Variants in AOX1 observed in about 807,000 individuals in gnomAD.
The protein encoded by AOX1 is aldehyde oxidase.
AOX1 carries 153 observed loss-of-function variants against 169.5 expected under a neutral mutation model. The observed-to-expected ratio is 0.90, with a 90% CI of 0.79 to 1.03. AOX1 has a LOEUF of 1.03. Among genes scored for constraint, AOX1 ranks in the 50% least tolerant of loss-of-function variants. The pLI, the probability that AOX1 is intolerant of heterozygous loss-of-function variation, is 0.00. For synonymous variants in AOX1, 562 were observed against 581.9 expected (o/e 0.97, Z 0.49); for missense variants, 1,656 against 1,663.9 (o/e 1.00, Z 0.08).
At chr2:200,611,356 C>T (rs763762544) in intron 12 of AOX1, 28 bp from the exon 13 acceptor site, 26 of 1,498,416 alleles carry the variant, frequency 1.7e-5, no homozygotes, top group Non-Finnish European at 2.2e-5. Flanking sequence ...CAAACAGATC[C>T]CAGGGAAAGT....
At chr2:200,596,578 T>G (rs770439144) in intron 3 of AOX1, among the ~76,000 whole-genome samples, 6 of 152,192 alleles carry the variant, frequency 3.9e-5, no homozygotes, top group Non-Finnish European at 8.8e-5. Context: ...TGTATTTGAA[T>G]CTGTTGTTAT....
chr2:200,666,509 T>A (rs2035926617), intron 31 of AOX1, among the ~76,000 whole-genome samples, 178 bp from the exon 32 acceptor site: 1 of 152,230 alleles, frequency 6.6e-6, no homozygotes, highest in Admixed American at 6.5e-5. Flanking sequence ...TTGTATAATT[T>A]TGAAAGTTTT....
At chr2:200,619,356 T>A (rs2034834256) in intron 16 of AOX1, among the ~76,000 whole-genome samples, 1 of 152,166 alleles carries the variant, frequency 6.6e-6, no homozygotes, top group Admixed American at 6.5e-5. Flanking sequence ...CTGGCCAACA[T>A]GACTGCATGC....
chr2:200,661,769 T>C, intron 30 of AOX1, 138 bp downstream of exon 30: 3 of 658,644 alleles, frequency 4.6e-6, no homozygotes, highest in Non-Finnish European at 5.4e-6. Flanking sequence ...ATTTAACTGC[T>C]AGTTAATCCA....
At chr2:200,624,975 C>T (rs1477309270) in intron 19 of AOX1, among the ~76,000 whole-genome samples, 2 of 152,142 alleles carry the variant, frequency 1.3e-5, no homozygotes, top group South Asian at 2.1e-4. Flanking sequence ...AACCTGGGCA[C>T]GATCAGTGTC....
intron 27 of AOX1, 144 bp downstream of exon 27, chr2:200,657,081 T>G (rs1375351935): frequency 1.5e-5 from 6 of 413,498 alleles, no homozygotes; most frequent in Non-Finnish European, 1.6e-5. Flanking sequence ...CCCAGCATTT[T>G]GGGAGGCTGG....
chr2:200,599,811 A>G (rs1244010840), intron 5 of AOX1, 65 bp downstream of exon 5: 1 of 1,248,174 alleles, frequency 8.0e-7, no homozygotes, highest in East Asian at 3.1e-5. Context: ...TTGAGACGGA[A>G]TCTCACTCTG....
chr2:200,675,209 TG>T (rs1454348170), downstream of AOX1, among the ~76,000 whole-genome samples: 1 of 152,166 alleles, frequency 6.6e-6, no homozygotes, highest in Admixed American at 6.5e-5. Context: ...ATGTCCCCAG[TG>T]GGTGGTTCAT....
At chr2:200,602,497 C>A in intron 6 of AOX1, 152 bp downstream of exon 6, 1 of 699,088 alleles carries the variant, frequency 1.4e-6, no homozygotes, top group Non-Finnish European at 2.4e-6. Context: ...TGATCTTGAG[C>A]AGGGCACTTA....
At chr2:200,618,453 C>T (rs2034814608) in intron 16 of AOX1, among the ~76,000 whole-genome samples, 1 of 152,284 alleles carries the variant, frequency 6.6e-6, no homozygotes, top group Non-Finnish European at 1.5e-5. Flanking sequence ...GTAGAAATTA[C>T]ACTACTTTCT....
At chr2:200,593,114 C>T in intron 1 of AOX1, 32 bp from the exon 2 acceptor site, 1 of 1,554,920 alleles carries the variant, frequency 6.4e-7, no homozygotes, top group South Asian at 1.1e-5. Flanking sequence ...TATTAGCTCT[C>T]TCAACTAACT....
chr2:200,612,486 T>G lies in AOX1; in HGVS notation c.1264-123T>G, dbSNP rs2034659387. The G allele has an allele frequency of 2.5e-5, 22 of 881,514 alleles. No individual in the cohort carries two copies. In the South Asian group the frequency reaches 3.4e-4, roughly 14 times the overall value. 54.6% of individuals were successfully genotyped at this position (881,514 alleles called of 1,614,324 possible). A position where few individuals can be genotyped will look rare whatever the true frequency, so the allele number is the denominator to read the frequency against. On this transcript the variant is annotated intron_variant, in intron 13 of 34. Coordinates refer to ENST00000374700, the MANE Select transcript of AOX1 (RefSeq NM_001159.4). ...CTCAACACACACACACTACCTGGTG[T>G]GTAGGTGACACTCAACACACACAGA...
At position 200,600,935 on chromosome 2, in the gene AOX1, C is replaced by T. The variant is rs1296916968; in HGVS notation, c.436+1189C>T. On this transcript the variant is annotated intron_variant, in intron 5 of 34. Transcript: ENST00000374700. ...AGATTTAGGGGTGGAGGAGGAACAC[C>T]GGATCGCACTGTGGGAGAAACGCTG... Among the ~76,000 whole-genome samples, 5 of 152,018 alleles carry T rather than the reference C, an allele frequency of 3.3e-5. No individual in the cohort carries two copies. In the South Asian group the frequency reaches 6.2e-4, roughly 19 times the overall value.
intron 30 of AOX1, among the ~76,000 whole-genome samples, chr2:200,661,847 C>T (rs1408491865): frequency 6.6e-6 from 1 of 152,108 alleles, no homozygotes; most frequent in Admixed American, 6.6e-5. Flanking sequence ...AAAATAGGCA[C>T]ACAAAATTCA....
intron 22 of AOX1, 53 bp downstream of exon 22, chr2:200,637,097 A>G: frequency 6.2e-7 from 1 of 1,605,326 alleles, no homozygotes. Flanking sequence ...GAAAGTTCTC[A>G]CTGTCAGAAT....
At chr2:200,625,164 G>A (rs1427459613) in intron 19 of AOX1, among the ~76,000 whole-genome samples, 1 of 152,104 alleles carries the variant, frequency 6.6e-6, no homozygotes, top group Non-Finnish European at 1.5e-5. Flanking sequence ...AAATTTTCCT[G>A]GCCAGTTTCA....
intron 17 of AOX1, 73 bp downstream of exon 17, chr2:200,620,892 A>T: frequency 1.3e-6 from 2 of 1,503,928 alleles, no homozygotes; most frequent in Non-Finnish European, 1.8e-6. Flanking sequence ...GTGAAAAGTA[A>T]TGGTGTGAAG....
chr2:200,659,909 C>A, intron 28 of AOX1, 86 bp from the exon 29 acceptor site: 1 of 1,034,536 alleles, frequency 9.7e-7, no homozygotes, highest in Non-Finnish European at 1.5e-6. Flanking sequence ...TTAGATAAGC[C>A]TATGGAATGG....
At chr2:200,659,004 T>C (rs1266875494) in intron 27 of AOX1, among the ~76,000 whole-genome samples, 161 bp from the exon 28 acceptor site, 1 of 152,196 alleles carries the variant, frequency 6.6e-6, no homozygotes, top group Non-Finnish European at 1.5e-5. Flanking sequence ...CTATAGGATT[T>C]TTAGAAACAA....
Sources: allele counts gnomAD v4.1 joint callset (sites outside exome capture counted in the v4.1 genomes callset), GRCh38; gene constraint gnomAD v4.1.1; transcripts MANE v1.5; gene names NCBI Gene and HGNC (gene_info 2026-07-23, HGNC 2026-07-21).